Variants in MAU2 observed in about 807,000 individuals in gnomAD.
MAU2 encodes the protein MAU2 chromatid cohesion factor homolog.
In MAU2, 9 loss-of-function variants were observed where a neutral mutation model predicts 89.1. The ratio of observed to expected loss-of-function variants is 0.10; its 90% CI spans 0.06 to 0.18. The LOEUF (loss-of-function observed/expected upper bound fraction) is 0.18, where lower values mean the gene tolerates loss of function less well. Among genes scored for constraint, MAU2 ranks in the 10% least tolerant of loss-of-function variants. MAU2 has a pLI of 1.00. For missense variants in MAU2, 425 were observed against 803.5 expected (o/e 0.53, Z 5.69); for synonymous variants, 357 against 343.4 (o/e 1.04, Z -0.44).
intron 1 of MAU2, among the ~76,000 whole-genome samples, chr19:19,332,245 C>G (rs937056389): frequency 6.6e-6 from 1 of 151,486 alleles, no homozygotes; most frequent in Non-Finnish European, 1.5e-5. Flanking sequence ...ACTGCAGCCC[C>G]AAACTCCTGG....
chr19:19,341,238 C>T lies in MAU2; in HGVS notation c.580-14C>T. The T allele has an allele frequency of 6.2e-7, 1 of 1,608,590 alleles. No individual in the cohort carries two copies. The highest frequency in any genetic ancestry group is 1.7e-5 in the Admixed American group (1 of 59,974). On this transcript the variant is annotated splice_polypyrimidine_tract_variant and intron_variant, in intron 6 of 18. Coordinates refer to ENST00000262815, the MANE Select transcript of MAU2 (RefSeq NM_015329.4). ...CAAGCCCTGTACCCTACACCTGCGC[C>T]TCTCCCTCCCCAGCTGCTGCTGATG...
intron 1 of MAU2, among the ~76,000 whole-genome samples, chr19:19,335,385 G>A (rs945981717): frequency 2.0e-5 from 3 of 152,176 alleles, no homozygotes; most frequent in Admixed American, 6.5e-5. Context: ...GGGCCTTGCT[G>A]TGGCCAGGTC....
At chr19:19,344,019 G>T in intron 10 of MAU2, 79 bp downstream of exon 10, 1 of 1,212,510 alleles carries the variant, frequency 8.2e-7, no homozygotes, top group Non-Finnish European at 1.2e-6. Context: ...GACTGAATTC[G>T]CCAAGTGCAT....
chr19:19,324,534 G>A (rs2061488853), intron 1 of MAU2, among the ~76,000 whole-genome samples: 1 of 152,188 alleles, frequency 6.6e-6, no homozygotes, highest in African/African-American at 2.4e-5. Context: ...CCTGTTTCTG[G>A]CAGTGGCTAA....
Position 19,355,575 on chromosome 19 carries a change from G to A in MAU2, c.1768-133G>A, listed in dbSNP as rs1195849483. On this transcript the variant is annotated intron_variant, in intron 18 of 18. Transcript: ENST00000262815. Reference sequence around the variant, plus strand: ...AAGCAAGGGACCCAGGTGTCTCCTCGGGGCCCATTGGACTGGGGCATGGAG... The same window carrying A: ...AAGCAAGGGACCCAGGTGTCTCCTCAGGGCCCATTGGACTGGGGCATGGAG... 2.3e-5 allele frequency: 27 copies of A among 1,175,448 alleles called. No homozygotes were observed. In the Admixed American group the frequency reaches 3.3e-4, roughly 14 times the overall value. The allele number at this position is 1,175,448 out of a possible 1,614,324, so 72.8% of individuals were successfully genotyped here. A position where few individuals can be genotyped will look rare whatever the true frequency, so the allele number is the denominator to read the frequency against.
At chr19:19,321,231 G>A in intron 1 of MAU2, 96 bp downstream of exon 1, 2 of 1,341,044 alleles carry the variant, frequency 1.5e-6, no homozygotes, top group Non-Finnish European at 1.9e-6. Flanking sequence ...GCCGCTCCTC[G>A]GCGACCTGGG....
Position 19,345,199 on chromosome 19 carries a change from C to A in MAU2, c.1156-105C>A. The stretch of plus-strand genomic sequence containing the variant: ...GCAGCTGGCTCGGTAGAGCCATTGT[C>A]ATACTCCTCCAGGGCAGCCGTGCAG... On this transcript the variant is annotated intron_variant, in intron 11 of 18. Coordinates refer to ENST00000262815, the MANE Select transcript of MAU2 (RefSeq NM_015329.4). The surrounding 1 kb of genome is among the most constrained non-coding windows in gnomAD (Gnocchi z 4.9). The A allele has an allele frequency of 9.8e-7, 1 of 1,016,290 alleles. No homozygotes were observed. The allele number at this position is 1,016,290 out of a possible 1,614,324, so 63.0% of individuals were successfully genotyped here.
chr19:19,327,044 T>G (rs530926435), intron 1 of MAU2, among the ~76,000 whole-genome samples: 1 of 150,820 alleles, frequency 6.6e-6, no homozygotes, highest in African/African-American at 2.4e-5. Flanking sequence ...ACTCCGGGCC[T>G]CAAGCAATCA....
At chr19:19,344,438 G>T in intron 10 of MAU2, 1 of 249,880 alleles carries the variant, frequency 4.0e-6, no homozygotes, top group Non-Finnish European at 7.8e-6. Flanking sequence ...AAAACTAATG[G>T]GCCATGGCCC....
chr19:19,334,030 G>A, intron 1 of MAU2: 1 of 250,918 alleles, frequency 4.0e-6, no homozygotes, highest in Non-Finnish European at 6.3e-6. Context: ...CTGTGTGATT[G>A]GGCATCCCTT....
intron 12 of MAU2, among the ~76,000 whole-genome samples, chr19:19,346,450 G>C (rs554216158): frequency 1.3e-5 from 2 of 152,320 alleles, no homozygotes; most frequent in East Asian, 3.9e-4. Flanking sequence ...CCACCCAGGA[G>C]TGATGGAGCC....
At chr19:19,344,809 G>C in intron 10 of MAU2, 40 bp from the exon 11 acceptor site, 1 of 1,561,530 alleles carries the variant, frequency 6.4e-7, no homozygotes. Context: ...CCAGGTCCCA[G>C]GTTGCAGTCC....
intron 4 of MAU2, 87 bp downstream of exon 4, chr19:19,337,352 TC>T: frequency 9.4e-7 from 1 of 1,060,146 alleles, no homozygotes; most frequent in Non-Finnish European, 1.4e-6. Flanking sequence ...AACAGCAGAG[TC>T]CACGATGCGC....
At chr19:19,347,409 T>A (rs762291456) in intron 13 of MAU2, 43 bp downstream of exon 13, 4 of 1,513,140 alleles carry the variant, frequency 2.6e-6, no homozygotes, top group Non-Finnish European at 3.7e-6. Flanking sequence ...CTCTCTGTTC[T>A]CTTCTTTTTG....
At chr19:19,344,602 G>A (rs747314075) in intron 10 of MAU2, 36 of 567,678 alleles carry the variant, frequency 6.3e-5, no homozygotes, top group Non-Finnish European at 1.0e-4. Context: ...GTAGGCTGGA[G>A]GTCCTTTACA....
rs1355010664 is a variant in MAU2, at chr19:19,350,634, C to T, written c.1548+1198C>T. Among the ~76,000 whole-genome samples, 9 of 151,006 alleles carry T rather than the reference C, an allele frequency of 6.0e-5. No individual in the cohort carries two copies. In the South Asian group the frequency reaches 8.4e-4, roughly 14 times the overall value. The stretch of plus-strand genomic sequence containing the variant: ...AAAAAAAAAAGGCCGGGCATGGTGG[C>T]TCACGCCTGTAATCCCAGCACTTTG... On this transcript the variant is annotated intron_variant, in intron 16 of 18. Transcript: ENST00000262815.
chr19:19,330,632 C>T (rs186559127), intron 1 of MAU2, among the ~76,000 whole-genome samples: 1 of 152,064 alleles, frequency 6.6e-6, no homozygotes, highest in Non-Finnish European at 1.5e-5. Flanking sequence ...CCCAGCTACT[C>T]GGGAGGCTGA....
rs1599932888 is a variant in MAU2 at position 19,356,843 on chromosome 19, T to C, written c.*1061T>C. The C allele has an allele frequency of 6.6e-6, 1 of 152,292 alleles. No individual in the cohort carries two copies. Among genetic ancestry groups the C allele is most frequent in the African/African-American group, 2.4e-5 (1 of 41,452 alleles). The allele number at this position is 152,292 out of a possible 1,614,324, so 9.4% of individuals were successfully genotyped here. A position where few individuals can be genotyped will look rare whatever the true frequency, so the allele number is the denominator to read the frequency against. ...GCCCAGACAGCAGCGTTTGGTTTTA[T>C]CCACTTTTCTTGGATAATCAGGAGG... On this transcript the variant is annotated 3_prime_UTR_variant, in exon 19 of 19. Transcript: ENST00000262815.
At position 19,349,283 on chromosome 19, in the gene MAU2, G is replaced by A. The variant is rs555513875; in HGVS notation, c.1437-42G>A. 2.4e-4 allele frequency: 390 copies of A among 1,613,898 alleles called. 5 individuals are homozygous for A. The South Asian group carries it at 4.1e-3, about 17-fold the overall frequency. ...GAGGGCCATGCTCAGGGTAGCCCAG[G>A]CCCCGTCCTGCAGTTATCAGCGTCC... is the stretch of plus-strand genomic sequence containing the variant. On this transcript the variant is annotated intron_variant, in intron 15 of 18. Coordinates refer to ENST00000262815, the MANE Select transcript of MAU2 (RefSeq NM_015329.4).
Sources: allele counts gnomAD v4.1 joint callset (sites outside exome capture counted in the v4.1 genomes callset), GRCh38; gene constraint gnomAD v4.1.1; non-coding constraint Gnocchi (gnomAD v3.1); transcripts MANE v1.5; gene names NCBI Gene and HGNC (gene_info 2026-07-23, HGNC 2026-07-21).